The following ODAD2 variants were observed in gnomAD, a reference collection of about 807,000 sequenced individuals.
ODAD2 encodes the protein outer dynein arm-docking complex subunit 2.
Under a neutral mutation model 106.8 loss-of-function variants are expected in ODAD2, and 89 were observed. The observed-to-expected ratio is 0.83, with a 90% CI of 0.70 to 0.99. The LOEUF is 0.99. Among genes scored for constraint, ODAD2 ranks in the 50% least tolerant of loss-of-function variants. ODAD2 has a pLI of 0.00. For missense variants in ODAD2, 1,168 were observed against 1,238.5 expected, an observed-to-expected ratio of 0.94 and a Z score of 0.85; for synonymous variants, 404 against 436.2, an observed-to-expected ratio of 0.93 and a Z score of 0.92.
intron 17 of ODAD2, among the ~76,000 whole-genome samples, chr10:27,879,808 C>T (rs1304671592): frequency 6.6e-6 from 1 of 152,144 alleles, no homozygotes; most frequent in Non-Finnish European, 1.5e-5. Context: ...TTAACTGTAA[C>T]TAATCTTAAT....
intron 17 of ODAD2, among the ~76,000 whole-genome samples, chr10:27,888,441 T>C (rs1018323767): frequency 2.6e-5 from 4 of 152,188 alleles, no homozygotes; most frequent in Non-Finnish European, 5.9e-5. Flanking sequence ...CAGTTTTTCA[T>C]ATTCCTGTTG....
chr10:27,947,871 A>T (rs532176595), intron 10 of ODAD2, among the ~76,000 whole-genome samples: 1 of 152,306 alleles, frequency 6.6e-6, no homozygotes, highest in East Asian at 1.9e-4. Context: ...CGTGCTGAGG[A>T]CTTGCTTGAC....
chr10:27,909,817 G>GAAAA lies in ODAD2; in HGVS notation c.2496-2044_2496-2041dup, dbSNP rs35449629. On this transcript the variant is annotated intron_variant, in intron 16 of 19. Coordinates refer to ENST00000305242, the MANE Select transcript of ODAD2 (RefSeq NM_018076.5). ...TGGGCGACAAAGTGAGTCTTCATTT[G>GAAAA]AAAAAAAAAAAAAAAAAAAAAAAAA... Among the ~76,000 whole-genome samples the GAAAA allele has an allele frequency of 6.9e-4, 39 of 56,360 alleles. 1 individual carries two copies. Among genetic ancestry groups the GAAAA allele is most frequent in the African/African-American group, 1.5e-3 (22 of 14,524 alleles). 37.0% of individuals were successfully genotyped at this position (56,360 alleles called of 152,430 possible).
intron 17 of ODAD2, among the ~76,000 whole-genome samples, chr10:27,864,879 A>G (rs1009259244): frequency 5.8e-4 from 89 of 152,302 alleles, no homozygotes; most frequent in African/African-American, 2.1e-3. Context: ...TAAACCTCAC[A>G]GGAATCATGC....
intron 19 of ODAD2, among the ~76,000 whole-genome samples, chr10:27,828,226 G>A (rs369679170): frequency 6.6e-6 from 1 of 152,204 alleles, no homozygotes; most frequent in South Asian, 2.1e-4. Context: ...GCTAGGAGCA[G>A]CTGGGGCAAG....
rs971668686 is a variant in ODAD2, at chr10:27,874,419, C to T, written c.2611-11797G>A. Among the ~76,000 whole-genome samples the T allele has an allele frequency of 2.6e-5, 4 of 152,088 alleles. No homozygotes were observed. The South Asian group carries it at 8.3e-4, about 32-fold the overall frequency. On this transcript the variant is annotated intron_variant, in intron 17 of 19. Coordinates refer to ENST00000305242, the MANE Select transcript of ODAD2 (RefSeq NM_018076.5). ...ATTGTGATGTTAGCTGGTTCTTTTG[C>T]TTGTTAGTTGATGCAGTTTCTTCCT... is the stretch of plus-strand genomic sequence containing the variant.
intron 17 of ODAD2, among the ~76,000 whole-genome samples, chr10:27,883,855 G>A (rs1021581756): frequency 6.6e-6 from 1 of 151,864 alleles, no homozygotes; most frequent in African/African-American, 2.4e-5. Flanking sequence ...TGATAGATGG[G>A]TCAATTCAGA....
At chr10:27,944,531 A>T in intron 11 of ODAD2, 100 bp from the exon 12 acceptor site, 2 of 1,115,496 alleles carry the variant, frequency 1.8e-6, no homozygotes, top group Non-Finnish European at 2.6e-6. Flanking sequence ...TAAGTTTTTT[A>T]AGAAATCATT....
At position 27,959,260 on chromosome 10, in the gene ODAD2, G is replaced by GAAAGAAAGGGAAGGAAAT. The variant is rs1298981087; in HGVS notation, c.1386+2307_1386+2308insATTTCCTTCCCTTTCTTT. ...AGGAGGGGAGGAAGAAAGAAGGAAAGAAAGAAAGGAAAGGAAAGGGAAGGA... is the reference window on the plus strand; with the variant it reads ...AGGAGGGGAGGAAGAAAGAAGGAAAGAAAGAAAGGGAAGGAAATAAAGAAAGGAAAGGAAAGGGAAGGA... On this transcript the variant is annotated intron_variant, in intron 10 of 19. Coordinates refer to ENST00000305242, the MANE Select transcript of ODAD2 (RefSeq NM_018076.5). Among the ~76,000 whole-genome samples the GAAAGAAAGGGAAGGAAAT allele has an allele frequency of 2.1e-5, 3 of 145,470 alleles. No homozygotes were observed. In the East Asian group the frequency reaches 6.1e-4, roughly 30 times the overall value.
At chr10:27,908,756 CA>C (rs939130043) in intron 16 of ODAD2, among the ~76,000 whole-genome samples, 1 of 104,730 alleles carries the variant, frequency 9.5e-6, no homozygotes, top group Non-Finnish European at 2.1e-5. Flanking sequence ...ATGAGTTTAC[CA>C]GGGGGGAAAA....
At chr10:27,862,109 A>T (rs990863006) in intron 18 of ODAD2, among the ~76,000 whole-genome samples, 21 of 152,226 alleles carry the variant, frequency 1.4e-4, no homozygotes, top group African/African-American at 5.1e-4. Context: ...AACCATCGAG[A>T]ATCATAACCA....
chr10:27,907,718 G>C lies in ODAD2; in HGVS notation c.2555C>G (p.Pro852Arg), dbSNP rs748016173. The part of the protein sequence containing the change: ...LLWSLLKNPH[P>R]DVKASAAWAL... ...CCATGCTGCGCTGGCCTTCACGTCT[G>C]GGTGAGGATTTTTCAGCAGGGACCA... Residue 852 changes from proline to arginine, a missense_variant, in exon 17 of 20, where the codon CCA becomes CGA. Pro to Arg is a moderately radical substitution (Grantham distance 103). Transcript: ENST00000305242. The C allele has an allele frequency of 1.2e-6, 2 of 1,613,862 alleles. No homozygotes were observed. Among genetic ancestry groups the C allele is most frequent in the Non-Finnish European group, 1.7e-6 (2 of 1,179,862 alleles).
At chr10:27,980,513 C>A (rs1463182894) in intron 7 of ODAD2, among the ~76,000 whole-genome samples, 1 of 151,996 alleles carries the variant, frequency 6.6e-6, no homozygotes, top group Admixed American at 6.6e-5. Context: ...AAGCTAAGGA[C>A]TCAAGCAGAC....
At chr10:27,914,693 T>C (rs1844240916) in intron 16 of ODAD2, among the ~76,000 whole-genome samples, 1 of 147,252 alleles carries the variant, frequency 6.8e-6, no homozygotes, top group African/African-American at 2.7e-5. Flanking sequence ...TGTGTGTATA[T>C]ATATATGTGT....
At chr10:27,884,758 A>C (rs1307485510) in intron 17 of ODAD2, among the ~76,000 whole-genome samples, 1 of 152,190 alleles carries the variant, frequency 6.6e-6, no homozygotes, top group African/African-American at 2.4e-5. Flanking sequence ...GATCCCAAGA[A>C]GAAGCTGGGG....
intron 19 of ODAD2, among the ~76,000 whole-genome samples, chr10:27,837,201 GC>G (rs1201131365): frequency 6.6e-6 from 1 of 152,188 alleles, no homozygotes; most frequent in African/African-American, 2.4e-5. Flanking sequence ...TGTCTGTGCT[GC>G]CCTGTGACCA....
intron 1 of ODAD2, among the ~76,000 whole-genome samples, chr10:27,998,259 C>A (rs1850672580): frequency 6.6e-6 from 1 of 152,142 alleles, no homozygotes; most frequent in Admixed American, 6.5e-5. Flanking sequence ...GAAAATCGAA[C>A]TTTTAGACAT....
At chr10:27,885,563 A>AATAT (rs1278959871) in intron 17 of ODAD2, among the ~76,000 whole-genome samples, 7 of 17,514 alleles carry the variant, frequency 4.0e-4, no homozygotes, top group Non-Finnish European at 5.1e-4. Flanking sequence ...TATAAATATA[A>AATAT]ATATATATAT....
At chr10:27,857,669 C>T (rs1344317159) in intron 19 of ODAD2, among the ~76,000 whole-genome samples, 1 of 152,228 alleles carries the variant, frequency 6.6e-6, no homozygotes, top group African/African-American at 2.4e-5. Flanking sequence ...CATTATATTT[C>T]AGACCCTGCT....
Sources: gnomAD v4.1 joint callset for allele counts (sites outside exome capture counted in the v4.1 genomes callset) on GRCh38, gnomAD v4.1.1 for gene constraint, MANE v1.5 for transcripts, NCBI Gene and HGNC (gene_info 2026-07-23, HGNC 2026-07-21) for gene names.